The following TMEM17 variants were observed in gnomAD, a reference collection of about 807,000 sequenced individuals.
TMEM17 encodes transmembrane protein 17.
Under a neutral mutation model 19.1 loss-of-function variants are expected in TMEM17, and 15 were observed. The observed-to-expected ratio is 0.78, with a 90% CI of 0.52 to 1.21. The LOEUF (loss-of-function observed/expected upper bound fraction) is 1.21, where lower values mean the gene tolerates loss of function less well. Ranked by LOEUF, TMEM17 falls within the 50% of genes most tolerant of loss-of-function variation. The probability of loss-of-function intolerance (pLI) is 0.00; values close to 1 mark genes in which losing one functional copy is unlikely to be tolerated. For synonymous variants in TMEM17, 103 were observed against 86.9 expected, an observed-to-expected ratio of 1.19 and a Z score of -1.03; for missense variants, 245 against 242.3, an observed-to-expected ratio of 1.01 and a Z score of -0.07.
At chr2:62,502,913 T>A (rs4672528) in intron 1 of TMEM17, 119 bp from the exon 2 acceptor site, 408,900 of 469,804 alleles carry the variant, frequency 0.87, 178,634 homozygotes, top group Non-Finnish European at 0.89. Flanking sequence ...CCAAATTTTA[T>A]GCCTATTTAT....
the TMEM17 span, among the ~76,000 whole-genome samples, chr2:62,481,282 T>C: frequency 6.6e-6 from 1 of 152,316 alleles, no homozygotes; most frequent in Non-Finnish European, 1.5e-5. Flanking sequence ...TTTTTGTATA[T>C]TTATTTTGTG....
At chr2:62,454,656 A>C in the TMEM17 span, among the ~76,000 whole-genome samples, 2 of 152,126 alleles carry the variant, frequency 1.3e-5, no homozygotes, top group Non-Finnish European at 2.9e-5. Flanking sequence ...TATATCCTAG[A>C]TTTGCCTTTA....
the TMEM17 span, among the ~76,000 whole-genome samples, chr2:62,493,636 T>A: frequency 6.6e-6 from 1 of 152,194 alleles, no homozygotes; most frequent in South Asian, 2.1e-4. Context: ...GTAAAATGTA[T>A]TTGGATCTGG....
the TMEM17 span, among the ~76,000 whole-genome samples, chr2:62,495,001 C>A: frequency 2.0e-5 from 3 of 152,018 alleles, no homozygotes; most frequent in African/African-American, 4.8e-5. Context: ...GGTGACAGAG[C>A]GAGACTCCGT....
chr2:62,478,156 AG>A, the TMEM17 span, among the ~76,000 whole-genome samples: 1 of 152,232 alleles, frequency 6.6e-6, no homozygotes, highest in Non-Finnish European at 1.5e-5. Context: ...CAAGGAAGAC[AG>A]ATTTGTAGAC....
the TMEM17 span, among the ~76,000 whole-genome samples, chr2:62,481,855 A>C: frequency 6.6e-6 from 1 of 152,132 alleles, no homozygotes; most frequent in South Asian, 2.1e-4. Context: ...TGGCAAGTGC[A>C]GGTGAGAAAA....
chr2:62,474,287 G>A, the TMEM17 span, among the ~76,000 whole-genome samples: 1 of 152,144 alleles, frequency 6.6e-6, no homozygotes, highest in Non-Finnish European at 1.5e-5. Flanking sequence ...TGTGGAGAGG[G>A]ATATTTAAAT....
the TMEM17 span, among the ~76,000 whole-genome samples, chr2:62,490,669 A>C: frequency 6.6e-6 from 1 of 152,236 alleles, no homozygotes; most frequent in African/African-American, 2.4e-5. Flanking sequence ...AGGGCTGTGA[A>C]GGAGTCAAGA....
downstream of TMEM17, among the ~76,000 whole-genome samples, chr2:62,496,250 A>G (rs969063072): frequency 1.3e-5 from 2 of 152,334 alleles, no homozygotes; most frequent in South Asian, 2.1e-4. Context: ...TAATTTGGCA[A>G]TATGCCCTTA....
At chr2:62,478,140 C>T in the TMEM17 span, among the ~76,000 whole-genome samples, 1 of 152,158 alleles carries the variant, frequency 6.6e-6, no homozygotes, top group Non-Finnish European at 1.5e-5. Flanking sequence ...TTCATGTAGG[C>T]AGGTCCAAGG....
rs751101151 is a variant in TMEM17, at chr2:62,502,704, A to T, written c.191T>A (p.Met64Lys). 92 of 1,601,616 alleles carry T rather than the reference A, an allele frequency of 5.7e-5. No homozygotes were observed. The highest frequency in any genetic ancestry group is 7.7e-5 in the Non-Finnish European group (90 of 1,176,288). Residue 64 changes from methionine (M) to lysine (K), a missense_variant, in exon 2 of 4, where the codon ATG becomes AAG. Physicochemically the swap from Met to Lys is moderately conservative, Grantham distance 95. Transcript: ENST00000335390. ...FPLWWVSSIM[M>K]LHMKYSILPD... ...GCTTAGATTTACCTTCATGTGAAGC[A>T]TCATAATGCTGCTCACCCACCACAG...
chr2:62,476,603 G>A, the TMEM17 span, among the ~76,000 whole-genome samples: 15 of 152,254 alleles, frequency 9.9e-5, no homozygotes, highest in South Asian at 4.1e-4. Context: ...ATAAATCAGG[G>A]ACTATCTGTA....
chr2:62,501,297 G>T lies in TMEM17; in HGVS notation c.509C>A (p.Ala170Glu). Reference protein sequence around the residue: ...LTLRKMVNQLAVRFHLQDFDR... With the variant: ...LTLRKMVNQLEVRFHLQDFDR... ...AAAGTCTTGGAGGTGGAAACGAACTGCCAACTGATTAACCATTTTCCTTAA... is the reference window on the plus strand; with the variant it reads ...AAAGTCTTGGAGGTGGAAACGAACTTCCAACTGATTAACCATTTTCCTTAA... The change falls in exon 4 of 4, where the codon GCA becomes GAA. Residue 170 changes from alanine (A) to glutamate (E), a missense_variant. By Grantham distance (107) the Ala-to-Glu change is moderately radical. Transcript: ENST00000335390. 6.2e-7 allele frequency: 1 copy of T among 1,614,168 alleles called. No homozygotes were observed.
At chr2:62,491,690 A>G in the TMEM17 span, among the ~76,000 whole-genome samples, 2 of 152,184 alleles carry the variant, frequency 1.3e-5, no homozygotes, top group Non-Finnish European at 2.9e-5. Flanking sequence ...AACATAATAT[A>G]CAAGTGTTAT....
At position 62,501,000 on chromosome 2, in the gene TMEM17, A is replaced by T. The variant is rs1679912083; in HGVS notation, c.*209T>A. The T allele has an allele frequency of 2.4e-6, 1 of 425,410 alleles. No individual in the cohort carries two copies. The highest frequency in any genetic ancestry group is 2.0e-5 in the African/African-American group (1 of 49,348). The allele number at this position is 425,410 out of a possible 1,614,324, so 26.4% of individuals were successfully genotyped here. On this transcript the variant is annotated 3_prime_UTR_variant, in exon 4 of 4. Transcript: ENST00000335390. ...ATCAAAAAAAATTAAGAAATTTGGCATCAGGTGGACAACATCTAGGTTTTA... is the reference window on the plus strand; with the variant it reads ...ATCAAAAAAAATTAAGAAATTTGGCTTCAGGTGGACAACATCTAGGTTTTA...
intron 2 of TMEM17, 58 bp from the exon 3 acceptor site, chr2:62,502,608 G>A: frequency 7.3e-7 from 1 of 1,371,066 alleles, no homozygotes; most frequent in Non-Finnish European, 9.7e-7. Context: ...ATTGATTTAA[G>A]ATAGAAAAAA....
At chr2:62,478,616 T>C in the TMEM17 span, among the ~76,000 whole-genome samples, 1 of 152,276 alleles carries the variant, frequency 6.6e-6, no homozygotes, top group Admixed American at 6.5e-5. Context: ...CTTCTTGCAC[T>C]GGCTTTGCCA....
At chr2:62,494,350 C>A in the TMEM17 span, among the ~76,000 whole-genome samples, 1 of 152,100 alleles carries the variant, frequency 6.6e-6, no homozygotes, top group Non-Finnish European at 1.5e-5. Flanking sequence ...TTTAGGATAG[C>A]ACAAATTTTG....
the TMEM17 span, among the ~76,000 whole-genome samples, chr2:62,493,329 G>C: frequency 1.4e-3 from 220 of 152,200 alleles, no homozygotes; most frequent in African/African-American, 5.0e-3. Context: ...TGCCCAGCCT[G>C]GAAATGAGAG....
Sources: gnomAD v4.1 joint callset for allele counts (sites outside exome capture counted in the v4.1 genomes callset) on GRCh38, gnomAD v4.1.1 for gene constraint, MANE v1.5 for transcripts, NCBI Gene and HGNC (gene_info 2026-07-23, HGNC 2026-07-21) for gene names.